Variants in SUGCT observed in about 807,000 individuals in gnomAD.
SUGCT encodes the protein succinyl-CoA:glutarate-CoA transferase.
Under a neutral mutation model 55.0 loss-of-function variants are expected in SUGCT, and 41 were observed. The observed-to-expected ratio is 0.74, with a 90% CI of 0.58 to 0.97. The LOEUF (loss-of-function observed/expected upper bound fraction) is 0.97. Among genes scored for constraint, SUGCT ranks in the 50% least tolerant of loss-of-function variants. SUGCT has a pLI of 0.00. For synonymous variants in SUGCT, 187 were observed against 200.4 expected (o/e 0.93, Z 0.56); for missense variants, 568 against 547.8 (o/e 1.04, Z -0.37).
rs374949852 is a variant in SUGCT, at chr7:40,195,638, A to G, written c.484+578A>G. Among the ~76,000 whole-genome samples the G allele has an allele frequency of 6.1e-4, 91 of 148,998 alleles. 2 individuals carry two copies. The South Asian group carries it at 0.018, about 29-fold the overall frequency. On this transcript the variant is annotated intron_variant, in intron 6 of 13. Transcript: ENST00000335693. ...TATAGTTTTGCTAAGTTTTATGTTG[A>G]TGTTTTGCAAATGTTTACAAAATAC... is the stretch of plus-strand genomic sequence containing the variant.
At chr7:40,912,743 A>G in the SUGCT span, among the ~76,000 whole-genome samples, 1 of 147,542 alleles carries the variant, frequency 6.8e-6, no homozygotes, top group Admixed American at 7.0e-5. Context: ...GTTCTGAAAG[A>G]CTACATGTTC....
intron 9 of SUGCT, among the ~76,000 whole-genome samples, chr7:40,329,337 C>T (rs991431069): frequency 5.9e-5 from 9 of 152,106 alleles, no homozygotes; most frequent in African/African-American, 2.2e-4. Flanking sequence ...ATAAGTATGG[C>T]TGTGAAATAG....
At chr7:40,736,278 A>G (rs1402082866) in intron 12 of SUGCT, among the ~76,000 whole-genome samples, 1 of 103,858 alleles carries the variant, frequency 9.6e-6, no homozygotes, top group South Asian at 2.4e-4. Context: ...TATAATATAT[A>G]ATATATTATA....
intron 9 of SUGCT, among the ~76,000 whole-genome samples, chr7:40,324,261 A>ATTTATTTATT (rs56656134): frequency 2.0e-5 from 2 of 99,970 alleles, no homozygotes; most frequent in East Asian, 3.3e-4. Flanking sequence ...AAATATATAT[A>ATTTATTTATT]TATTTATTTT....
At chr7:40,255,196 C>T (rs1432137161) in intron 7 of SUGCT, among the ~76,000 whole-genome samples, 1 of 145,696 alleles carries the variant, frequency 6.9e-6, no homozygotes, top group Non-Finnish European at 1.5e-5. Flanking sequence ...CATTGCACTC[C>T]AGCCTGGGCA....
At chr7:40,243,284 A>G (rs1321581284) in intron 7 of SUGCT, among the ~76,000 whole-genome samples, 1 of 152,006 alleles carries the variant, frequency 6.6e-6, no homozygotes, top group African/African-American at 2.4e-5. Context: ...GTTAAACATC[A>G]AGAAGAATTA....
intron 11 of SUGCT, among the ~76,000 whole-genome samples, chr7:40,470,908 C>T (rs1018686188): frequency 1.3e-5 from 2 of 151,726 alleles, no homozygotes; most frequent in Admixed American, 1.3e-4. Flanking sequence ...TTTCTTTTCT[C>T]ATTTGCTAAC....
the SUGCT span, among the ~76,000 whole-genome samples, chr7:41,025,494 C>T: frequency 2.7e-4 from 41 of 151,818 alleles, no homozygotes; most frequent in Admixed American, 1.9e-3. Flanking sequence ...CTCAGCCTCC[C>T]GAGTAGCTGG....
chr7:40,472,319 A>G lies in SUGCT; in HGVS notation c.986+13121A>G, dbSNP rs573113230. Among the ~76,000 whole-genome samples, 8 of 152,268 alleles carry G rather than the reference A, an allele frequency of 5.3e-5. No individual in the cohort carries two copies. The East Asian group carries it at 1.5e-3, about 29-fold the overall frequency. ...GCATTAGAGAAACAAATAAAAGCTT[A>G]CTTTGGAATATTCTGTATTCACTAA... On this transcript the variant is annotated intron_variant, in intron 11 of 13. Transcript: ENST00000335693.
chr7:40,550,765 G>A (rs1264544393), intron 12 of SUGCT, among the ~76,000 whole-genome samples: 1 of 152,132 alleles, frequency 6.6e-6, no homozygotes, highest in African/African-American at 2.4e-5. Flanking sequence ...CCATTGTTCT[G>A]TTCTTTTTCC....
At chr7:40,764,287 G>C (rs758737361) in intron 13 of SUGCT, among the ~76,000 whole-genome samples, 8 of 152,108 alleles carry the variant, frequency 5.3e-5, no homozygotes, top group Non-Finnish European at 1.2e-4. Flanking sequence ...AGAGAATGTA[G>C]ATTGAAAAAA....
chr7:40,785,054 T>TCATTTCCTCCTACACCCCTCCAA (rs1789945814), intron 13 of SUGCT: 2 of 152,160 alleles, frequency 1.3e-5, no homozygotes, highest in Non-Finnish European at 2.9e-5. Context: ...TCTGCCACCA[T>TCATTTCCTCCTACACCCCTCCAA]CATTTCCTCC....
At chr7:40,177,395 C>T (rs898451051) in intron 1 of SUGCT, among the ~76,000 whole-genome samples, 6 of 141,524 alleles carry the variant, frequency 4.2e-5, no homozygotes, top group Non-Finnish European at 7.7e-5. Context: ...ATACAAGCAG[C>T]GCTGGCGGCC....
At position 40,256,084 on chromosome 7, in the gene SUGCT, A is replaced by T. The variant is rs76251483; in HGVS notation, c.576+18358A>T. Among the ~76,000 whole-genome samples, 514 of 152,282 alleles carry T rather than the reference A, an allele frequency of 3.4e-3. 16 individuals carry two copies. In the East Asian group the frequency reaches 0.055, roughly 16 times the overall value. ...ATCTCATGAAATCTAAATTTCTTTA[A>T]ATTTTATGATCCCATTGGAATTTAT... On this transcript the variant is annotated intron_variant, in intron 7 of 13. Coordinates refer to ENST00000335693, the MANE Select transcript of SUGCT (RefSeq NM_001193313.2).
intron 13 of SUGCT, among the ~76,000 whole-genome samples, chr7:40,788,331 T>C (rs776595072): frequency 1.3e-5 from 2 of 152,120 alleles, no homozygotes; most frequent in Non-Finnish European, 2.9e-5. Flanking sequence ...AGGAATACAA[T>C]TGTAAATCAG....
intron 12 of SUGCT, among the ~76,000 whole-genome samples, chr7:40,741,429 A>G (rs924782616): frequency 6.6e-5 from 10 of 152,242 alleles, no homozygotes; most frequent in African/African-American, 2.2e-4. Context: ...AGCTTTAATA[A>G]GATACCATTT....
At chr7:41,037,400 G>A in the SUGCT span, among the ~76,000 whole-genome samples, 10 of 151,460 alleles carry the variant, frequency 6.6e-5, no homozygotes, top group Non-Finnish European at 1.2e-4. Flanking sequence ...CACACATTAG[G>A]TGAGTTGTGT....
chr7:40,836,619 C>T (rs1199672680), intron 13 of SUGCT, among the ~76,000 whole-genome samples: 1 of 152,200 alleles, frequency 6.6e-6, no homozygotes, highest in Non-Finnish European at 1.5e-5. Context: ...CTCTCTCCCT[C>T]CTTCTATAAT....
At chr7:40,185,311 C>A (rs1421290385) in intron 3 of SUGCT, among the ~76,000 whole-genome samples, 1 of 152,044 alleles carries the variant, frequency 6.6e-6, no homozygotes, top group East Asian at 1.9e-4. Context: ...TTAATAATTT[C>A]TCTTGCTATT....
Sources: allele counts gnomAD v4.1 joint callset (sites outside exome capture counted in the v4.1 genomes callset), GRCh38; gene constraint gnomAD v4.1.1; transcripts MANE v1.5; gene names NCBI Gene and HGNC (gene_info 2026-07-23, HGNC 2026-07-21).